Variants in GCSAML observed in about 807,000 individuals in gnomAD.
GCSAML encodes germinal center associated signaling and motility like.
GCSAML carries 9 observed loss-of-function variants against 13.0 expected under a neutral mutation model. That is an observed-to-expected ratio of 0.69 (90% CI 0.42 to 1.21). GCSAML has a LOEUF of 1.21. Among genes scored for constraint, GCSAML ranks in the 50% most tolerant of loss-of-function variants. GCSAML has a pLI of 0.00. For synonymous variants in GCSAML, 37 were observed against 52.9 expected, an observed-to-expected ratio of 0.70 and a Z score of 1.31; for missense variants, 143 against 153.4, an observed-to-expected ratio of 0.93 and a Z score of 0.36.
At chr1:247,551,976 A>G (rs1667793296) in intron 1 of GCSAML, among the ~76,000 whole-genome samples, 1 of 152,238 alleles carries the variant, frequency 6.6e-6, no homozygotes. Flanking sequence ...CAGACAAAGT[A>G]GGTCAGATAA....
At chr1:247,513,162 A>T (rs767036226) in intron 1 of GCSAML, among the ~76,000 whole-genome samples, 3 of 152,188 alleles carry the variant, frequency 2.0e-5, no homozygotes, top group Non-Finnish European at 4.4e-5. Flanking sequence ...TTTTATCTAT[A>T]AGCTCCTGAC....
At chr1:247,545,263 T>G (rs1572339813), upstream of GCSAML, among the ~76,000 whole-genome samples, 1 of 152,350 alleles carries the variant, frequency 6.6e-6, no homozygotes, top group African/African-American at 2.4e-5. Context: ...CCCCATGCCT[T>G]GCAGGACTGA....
At chr1:247,508,988 C>CT (rs1324871152) in intron 1 of GCSAML, among the ~76,000 whole-genome samples, 2 of 152,016 alleles carry the variant, frequency 1.3e-5, no homozygotes, top group Non-Finnish European at 2.9e-5. Flanking sequence ...GATTTGGGCT[C>CT]TTTTTTTGGT....
At chr1:247,522,596 G>A (rs1666491379) in intron 1 of GCSAML, among the ~76,000 whole-genome samples, 1 of 152,200 alleles carries the variant, frequency 6.6e-6, no homozygotes, top group Non-Finnish European at 1.5e-5. Flanking sequence ...TTGGGATGCT[G>A]TTATCTATGA....
intron 2 of GCSAML, among the ~76,000 whole-genome samples, chr1:247,557,026 G>C (rs1455290163): frequency 6.6e-6 from 1 of 151,996 alleles, no homozygotes; most frequent in Non-Finnish European, 1.5e-5. Context: ...TCACTTTAGG[G>C]CATTTCTACA....
intron 2 of GCSAML, among the ~76,000 whole-genome samples, chr1:247,540,793 GT>G (rs1347844588): frequency 6.6e-6 from 1 of 152,172 alleles, no homozygotes; most frequent in Non-Finnish European, 1.5e-5. Flanking sequence ...GGGTTTTGCA[GT>G]TTCTCTTTTC....
chr1:247,526,896 G>T lies in GCSAML; in HGVS notation c.-262-44G>T. On this transcript the variant is annotated intron_variant, in intron 1 of 5. Transcript: ENST00000366489. The surrounding 1 kb of genome is among the most constrained non-coding windows in gnomAD (Gnocchi z 4.8). ...CTATAACTTAAATCCAAGTAAGATG[G>T]GACTTCCCTCTATTTAGAAAGGTCT... 1 of 449,130 alleles carries T rather than the reference G, an allele frequency of 2.2e-6. No individual in the cohort carries two copies. Among genetic ancestry groups the T allele is most frequent in the Non-Finnish European group, 4.5e-6 (1 of 223,892 alleles). 27.8% of individuals were successfully genotyped at this position (449,130 alleles called of 1,614,324 possible).
intron 1 of GCSAML, among the ~76,000 whole-genome samples, chr1:247,514,558 G>A (rs1240830955): frequency 7.2e-5 from 11 of 152,200 alleles, no homozygotes; most frequent in Non-Finnish European, 1.3e-4. Context: ...CCAGTATCTA[G>A]AAGGGTTTTT....
chr1:247,545,875 C>G (rs1266935275), upstream of GCSAML, among the ~76,000 whole-genome samples: 1 of 152,128 alleles, frequency 6.6e-6, no homozygotes, highest in Non-Finnish European at 1.5e-5. Context: ...AGCATAGTAT[C>G]TCTAGTTAAA....
Position 247,569,531 on chromosome 1 carries a change from C to T in GCSAML, c.168+3572C>T, listed in dbSNP as rs375511513. On this transcript the variant is annotated intron_variant, in intron 4 of 4. Coordinates refer to ENST00000366488, the MANE Select transcript of GCSAML (RefSeq NM_145278.5). ...GTTTATTGATTTGTGTATGTTGAAC[C>T]AGTCTTGCATCCCAGGGATGGAGCC... Among the ~76,000 whole-genome samples, 7 of 152,292 alleles carry T rather than the reference C, an allele frequency of 4.6e-5. No homozygotes were observed. In the East Asian group the frequency reaches 1.2e-3, roughly 25 times the overall value.
At chr1:247,569,877 G>A (rs372128994) in intron 4 of GCSAML, among the ~76,000 whole-genome samples, 7 of 152,000 alleles carry the variant, frequency 4.6e-5, no homozygotes, top group East Asian at 1.9e-4. Context: ...TACTGCTTCA[G>A]TTTCAGAACT....
At chr1:247,542,302 A>G (rs1163663269) in intron 2 of GCSAML, among the ~76,000 whole-genome samples, 1 of 152,204 alleles carries the variant, frequency 6.6e-6, no homozygotes, top group Non-Finnish European at 1.5e-5. Context: ...AAAAGGAAGA[A>G]AGAAGTAAAA....
chr1:247,564,019 C>T (rs148185272), intron 3 of GCSAML, among the ~76,000 whole-genome samples: 2,006 of 152,070 alleles, frequency 0.013, 39 homozygotes, highest in African/African-American at 0.046. Context: ...TGTAACCCCC[C>T]GCCTTCCGGG....
chr1:247,507,181 C>A (rs1206793493), exon 1 of GCSAML: 1 of 152,220 alleles, frequency 6.6e-6, no homozygotes, highest in Non-Finnish European at 1.5e-5. Flanking sequence ...CTTATTACCA[C>A]TCCTTGGGGG....
chr1:247,562,936 T>G (rs975505365), intron 2 of GCSAML, among the ~76,000 whole-genome samples: 1 of 151,682 alleles, frequency 6.6e-6, no homozygotes, highest in African/African-American at 2.4e-5. Flanking sequence ...GCCTCCCGGG[T>G]TCAAGCAATT....
intron 2 of GCSAML, among the ~76,000 whole-genome samples, chr1:247,557,181 T>C (rs1317413472): frequency 6.6e-6 from 1 of 152,256 alleles, no homozygotes; most frequent in Non-Finnish European, 1.5e-5. Flanking sequence ...CATGGTTTTA[T>C]GGCACTAGAA....
intron 2 of GCSAML, chr1:247,532,370 G>T (rs771482430): frequency 6.2e-7 from 1 of 1,614,024 alleles, no homozygotes; most frequent in Admixed American, 1.7e-5. Context: ...TGGGAGACCA[G>T]AATGATGATG....
chr1:247,559,441 C>CT (rs59754365), intron 2 of GCSAML, among the ~76,000 whole-genome samples: 9 of 151,312 alleles, frequency 5.9e-5, no homozygotes, highest in East Asian at 5.8e-4. Flanking sequence ...TTCTGTCCAG[C>CT]TTTTTTTTTC....
intron 2 of GCSAML, chr1:247,528,761 TGA>T (rs1295825679): frequency 1.3e-5 from 2 of 152,240 alleles, no homozygotes; most frequent in African/African-American, 2.4e-5. Flanking sequence ...ATTATTTTGC[TGA>T]GAGATTTGTG....
Sources: gnomAD v4.1 joint callset for allele counts (sites outside exome capture counted in the v4.1 genomes callset) on GRCh38, gnomAD v4.1.1 for gene constraint, Gnocchi (gnomAD v3.1) non-coding constraint, MANE v1.5 for transcripts, NCBI Gene and HGNC (gene_info 2026-07-23, HGNC 2026-07-21) for gene names.